VEPH1: variants seen among roughly 807,000 people sequenced by gnomAD.
VEPH1 encodes ventricular zone-expressed PH domain-containing protein homolog 1.
A neutral mutation model predicts 85.2 loss-of-function variants in VEPH1; 80 were observed. The observed-to-expected ratio is 0.94, with a 90% confidence interval of 0.78 to 1.13. The LOEUF is 1.13. Among genes scored for constraint, VEPH1 ranks in the 50% most tolerant of loss-of-function variants. The pLI is 0.00. For missense variants in VEPH1, 955 were observed against 980.5 expected (o/e 0.97, Z 0.35); for synonymous variants, 297 against 348.0 (o/e 0.85, Z 1.63).
At chr3:157,415,700 C>T (rs1731864959) in intron 5 of VEPH1, among the ~76,000 whole-genome samples, 2 of 152,162 alleles carry the variant, frequency 1.3e-5, no homozygotes, top group African/African-American at 4.8e-5. Flanking sequence ...CACCTTCCCG[C>T]AGTCCAGTTC....
chr3:157,479,001 C>T (rs1037406188), intron 2 of VEPH1, among the ~76,000 whole-genome samples: 7 of 152,144 alleles, frequency 4.6e-5, no homozygotes, highest in Non-Finnish European at 8.8e-5. Context: ...AAACAGTTAA[C>T]TGCTTCCTTT....
chr3:157,485,879 A>G (rs1427612533), intron 2 of VEPH1, among the ~76,000 whole-genome samples: 1 of 152,156 alleles, frequency 6.6e-6, no homozygotes, highest in African/African-American at 2.4e-5. Flanking sequence ...AAAAATGCTC[A>G]GTATATACTA....
chr3:157,461,507 T>C (rs1187923904), intron 3 of VEPH1, among the ~76,000 whole-genome samples: 1 of 152,232 alleles, frequency 6.6e-6, no homozygotes, highest in Non-Finnish European at 1.5e-5. Flanking sequence ...GCTTGTACCC[T>C]GATTAATACA....
chr3:157,363,206 A>AG (rs1726244922), intron 9 of VEPH1, 158 bp downstream of exon 9: 2 of 701,738 alleles, frequency 2.9e-6, no homozygotes, highest in Non-Finnish European at 4.2e-6. Flanking sequence ...TCTTGGGAAA[A>AG]AAAAAAAAAA....
chr3:157,443,188 A>G (rs191395494), intron 4 of VEPH1: 308 of 544,538 alleles, frequency 5.7e-4, no homozygotes, highest in South Asian at 1.9e-3. Context: ...TAATGTTACT[A>G]GACTTTATGC....
chr3:157,333,288 T>G (rs1577362219), intron 9 of VEPH1, among the ~76,000 whole-genome samples: 1 of 152,176 alleles, frequency 6.6e-6, no homozygotes, highest in East Asian at 1.9e-4. Context: ...GGATGAGGAA[T>G]GTTTTGCAGT....
intron 11 of VEPH1, among the ~76,000 whole-genome samples, chr3:157,312,327 T>C (rs1720196546): frequency 6.6e-6 from 1 of 152,204 alleles, no homozygotes; most frequent in African/African-American, 2.4e-5. Flanking sequence ...TAATATTTAC[T>C]AGAAGAGATT....
At chr3:157,313,195 T>C (rs905025204) in intron 11 of VEPH1, among the ~76,000 whole-genome samples, 1 of 151,962 alleles carries the variant, frequency 6.6e-6, no homozygotes, top group East Asian at 1.9e-4. Flanking sequence ...TGAGCCACCG[T>C]GCCCGGCCAA....
At chr3:157,398,832 G>A (rs961422075) in intron 6 of VEPH1, among the ~76,000 whole-genome samples, 10 of 152,030 alleles carry the variant, frequency 6.6e-5, no homozygotes, top group Non-Finnish European at 8.8e-5. Flanking sequence ...TTGCACAGTA[G>A]TTTAGACCTG....
At chr3:157,418,543 G>C (rs1307492512) in intron 5 of VEPH1, among the ~76,000 whole-genome samples, 5 of 152,080 alleles carry the variant, frequency 3.3e-5, no homozygotes, top group Non-Finnish European at 7.4e-5. Flanking sequence ...CAACAGCAGG[G>C]AAGCAAAGAG....
intron 12 of VEPH1, among the ~76,000 whole-genome samples, chr3:157,275,587 C>CAAA (rs144274851): frequency 6.6e-6 from 1 of 150,854 alleles, no homozygotes; most frequent in African/African-American, 2.4e-5. Flanking sequence ...AAAAAACCAA[C>CAAA]AAAAAATATA....
intron 7 of VEPH1, among the ~76,000 whole-genome samples, chr3:157,369,675 T>G (rs534502626): frequency 6.6e-6 from 1 of 152,302 alleles, no homozygotes; most frequent in East Asian, 1.9e-4. Flanking sequence ...CAGGAAATGG[T>G]AGATAGAGGG....
At chr3:157,425,958 T>G (rs967203611) in intron 5 of VEPH1, among the ~76,000 whole-genome samples, 13 of 152,118 alleles carry the variant, frequency 8.5e-5, no homozygotes, top group Admixed American at 6.5e-5. Context: ...ACTGTTCTCA[T>G]GGTAGTGAAT....
chr3:157,340,814 T>C (rs559450229), intron 9 of VEPH1, among the ~76,000 whole-genome samples: 1 of 152,278 alleles, frequency 6.6e-6, no homozygotes, highest in African/African-American at 2.4e-5. Context: ...CGGGTACCCC[T>C]CTGAGACGAA....
intron 4 of VEPH1, among the ~76,000 whole-genome samples, chr3:157,428,733 A>T (rs558584050): frequency 1.3e-5 from 2 of 152,216 alleles, no homozygotes; most frequent in Admixed American, 1.3e-4. Flanking sequence ...TTTGCTAAGT[A>T]ATGCACCATG....
At chr3:157,462,153 T>C (rs115169747) in intron 3 of VEPH1, among the ~76,000 whole-genome samples, 3,795 of 150,386 alleles carry the variant, frequency 0.025, 173 homozygotes, top group African/African-American at 0.086. Context: ...AACAGAAAAG[T>C]AGACAGAGGA....
Position 157,451,750 on chromosome 3 carries a change from G to T in VEPH1, c.529+8431C>A, listed in dbSNP as rs77598687. The stretch of plus-strand genomic sequence containing the variant: ...CCCTGCCACAGCACAAGAGTCTCCT[G>T]GCCCTATCTCATCAACTTTTTAATC... On this transcript the variant is annotated intron_variant, in intron 4 of 13. Coordinates refer to ENST00000362010, the MANE Select transcript of VEPH1 (RefSeq NM_001167912.2). Among the ~76,000 whole-genome samples, 1,142 of 152,230 alleles carry T rather than the reference G, an allele frequency of 7.5e-3. 21 individuals carry two copies. Among genetic ancestry groups the T allele is most frequent in the East Asian group, 0.067 (347 of 5,180 alleles).
chr3:157,267,102 C>CTTTTTTTTTTTTTTTT (rs10537483), intron 12 of VEPH1, among the ~76,000 whole-genome samples: 37 of 124,672 alleles, frequency 3.0e-4, no homozygotes, highest in Non-Finnish European at 5.2e-4. Context: ...TCTTTTTTTT[C>CTTTTTTTTTTTTTTTT]TTTTTTTTTT....
chr3:157,479,703 C>G (rs997943832), intron 2 of VEPH1, among the ~76,000 whole-genome samples: 2 of 152,176 alleles, frequency 1.3e-5, no homozygotes, highest in Admixed American at 1.3e-4. Flanking sequence ...GCTAAGGGCT[C>G]GGCTCTGCTT....
Sources: allele counts gnomAD v4.1 joint callset (sites outside exome capture counted in the v4.1 genomes callset), GRCh38; gene constraint gnomAD v4.1.1; transcripts MANE v1.5; gene names NCBI Gene and HGNC (gene_info 2026-07-23, HGNC 2026-07-21).